The following ESR1 variants were observed in gnomAD, a reference collection of about 807,000 sequenced individuals.
ESR1 encodes the protein estrogen receptor.
A neutral mutation model predicts 52.7 loss-of-function variants in ESR1; 12 were observed. The observed-to-expected ratio is 0.23, with a 90% CI of 0.15 to 0.37. ESR1 has a LOEUF of 0.37. Among genes scored for constraint, ESR1 ranks in the 10% least tolerant of loss-of-function variants. The pLI is 1.00. For missense variants in ESR1, 584 were observed against 779.7 expected (o/e 0.75, Z 2.99); for synonymous variants, 305 against 316.8 (o/e 0.96, Z 0.39).
chr6:151,850,041 T>C (rs369709893), intron 2 of ESR1, among the ~76,000 whole-genome samples: 1 of 50,612 alleles, frequency 2.0e-5, no homozygotes, highest in African/African-American at 9.4e-5. Context: ...TATATATATA[T>C]AATTTTATAT....
intron 2 of ESR1, among the ~76,000 whole-genome samples, chr6:151,853,056 C>A (rs531946664): frequency 2.0e-5 from 3 of 150,440 alleles, no homozygotes; most frequent in Non-Finnish European, 4.4e-5. Context: ...CCTGTAGTCC[C>A]AGCTACTCAG....
At chr6:152,092,218 C>T (rs1446168178) in intron 6 of ESR1, among the ~76,000 whole-genome samples, 1 of 152,214 alleles carries the variant, frequency 6.6e-6, no homozygotes, top group Non-Finnish European at 1.5e-5. Flanking sequence ...CAGCAGTTTC[C>T]TTCTTAATCT....
At chr6:151,741,294 T>G (rs935781704) in intron 2 of ESR1, among the ~76,000 whole-genome samples, 2 of 152,184 alleles carry the variant, frequency 1.3e-5, no homozygotes, top group Admixed American at 1.3e-4. Flanking sequence ...GGCCTCATAT[T>G]TTAAAAATAT....
Position 151,698,021 on chromosome 6 carries a change from C to T in ESR1, c.-201-3854C>T, listed in dbSNP as rs573668964. On this transcript the variant is annotated intron_variant, in intron 1 of 2. Coordinates refer to the ESR1 transcript ENST00000404742. Reference sequence around the variant, plus strand: ...GCTGAGGCAAGAGAATCGCTTGAACCGGGAGGTGGAGGTTGCAGTGAGCCA... The same window carrying T: ...GCTGAGGCAAGAGAATCGCTTGAACTGGGAGGTGGAGGTTGCAGTGAGCCA... Among the ~76,000 whole-genome samples the T allele has an allele frequency of 6.6e-5, 10 of 151,944 alleles. No individual in the cohort carries two copies. The East Asian group carries it at 9.7e-4, about 15-fold the overall frequency.
intron 3 of ESR1, among the ~76,000 whole-genome samples, chr6:151,938,688 ATAAAT>A: frequency 6.6e-6 from 1 of 152,286 alleles, no homozygotes; most frequent in East Asian, 1.9e-4. Context: ...TATTGTTTTA[ATAAAT>A]TCCCATAAGT....
chr6:152,077,851 G>T (rs975718982), intron 6 of ESR1, among the ~76,000 whole-genome samples: 1 of 152,150 alleles, frequency 6.6e-6, no homozygotes, highest in East Asian at 1.9e-4. Flanking sequence ...GAAGTAACTA[G>T]CTTGATTTTG....
intron 4 of ESR1, among the ~76,000 whole-genome samples, chr6:151,992,865 T>G (rs151086039): frequency 3.3e-5 from 5 of 152,218 alleles, no homozygotes; most frequent in African/African-American, 1.2e-4. Flanking sequence ...GACTACCAAG[T>G]TTTTTGTAAA....
Position 152,002,185 on chromosome 6 carries a change from AGTGTGTGT to A in ESR1, c.1097-9441_1097-9434del, listed in dbSNP as rs10578838. Among the ~76,000 whole-genome samples the A allele has an allele frequency of 4.8e-3, 686 of 141,490 alleles. 4 individuals are homozygous for A. The highest frequency in any genetic ancestry group is 0.016 in the African/African-American group (617 of 38,464). The allele number at this position is 141,490 out of a possible 152,430, so 92.8% of individuals were successfully genotyped here. ...AGGTGTTCCTCTAGATTTTAAATCA[AGTGTGTGT>A]GTGTGTGTGTGTGTGTGTGTGTGTG... On this transcript the variant is annotated intron_variant, in intron 4 of 7. Coordinates refer to ENST00000206249, the MANE Select transcript of ESR1 (RefSeq NM_000125.4).
At chr6:151,929,060 T>C (rs2033203237) in intron 3 of ESR1, among the ~76,000 whole-genome samples, 1 of 152,358 alleles carries the variant, frequency 6.6e-6, no homozygotes, top group East Asian at 1.9e-4. Flanking sequence ...CTATAAATAT[T>C]AATTAGACCA....
rs1441179551 is a variant in ESR1, at chr6:151,808,300, T to C, written c.388T>C (p.Tyr130His). The C allele has an allele frequency of 6.4e-7, 1 of 1,574,676 alleles. No individual in the cohort carries two copies. Among genetic ancestry groups the C allele is most frequent in the South Asian group, 1.2e-5 (1 of 85,204 alleles). ...GCAGCCCCACGGCCAGCAGGTGCCC[T>C]ACTACCTGGAGAACGAGCCCAGCGG... ...FLQPHGQQVPYYLENEPSGYT... is the reference protein window; with the variant it reads ...FLQPHGQQVPHYLENEPSGYT... Residue 130 changes from tyrosine (Y) to histidine (H), a missense_variant, in exon 1 of 8, where the codon TAC becomes CAC. By Grantham distance (83) the Tyr-to-His change is moderately conservative (BLOSUM62 2). Around this residue, in one of 6 missense-constraint regions of ESR1, gnomAD observed 251 missense variants for 246.1 expected, o/e 1.02. Transcript: ENST00000206249.
chr6:151,674,741 T>G (rs565558528), intron 1 of ESR1, among the ~76,000 whole-genome samples: 3 of 152,340 alleles, frequency 2.0e-5, no homozygotes, highest in African/African-American at 7.2e-5. Flanking sequence ...TGAGACGGTA[T>G]TTCATTGTGG....
At chr6:152,124,151 C>G (rs2052490499) in intron 6 of ESR1, among the ~76,000 whole-genome samples, 1 of 152,102 alleles carries the variant, frequency 6.6e-6, no homozygotes, top group African/African-American at 2.4e-5. Context: ...GGTAAAAATA[C>G]AAAAATTAGT....
At chr6:151,995,305 C>G (rs180776490) in intron 4 of ESR1, among the ~76,000 whole-genome samples, 2 of 152,288 alleles carry the variant, frequency 1.3e-5, no homozygotes, top group East Asian at 3.9e-4. Context: ...TTCCATCCAT[C>G]TGTCCATCAG....
chr6:151,975,691 T>C (rs1380521471), intron 4 of ESR1, among the ~76,000 whole-genome samples: 1 of 152,214 alleles, frequency 6.6e-6, no homozygotes, highest in Non-Finnish European at 1.5e-5. Context: ...TCTGTTTTAC[T>C]TAAAGTCTAC....
chr6:151,682,268 C>T lies in ESR1; in HGVS notation n.74-19607C>T, dbSNP rs375250215. Among the ~76,000 whole-genome samples, 3 of 152,276 alleles carry T rather than the reference C, an allele frequency of 2.0e-5. No individual in the cohort carries two copies. In the South Asian group the frequency reaches 6.2e-4, roughly 32 times the overall value. On this transcript the variant is annotated intron_variant and non_coding_transcript_variant, in intron 1 of 2. Coordinates refer to the ESR1 transcript ENST00000473497. The stretch of plus-strand genomic sequence containing the variant: ...AAATAAATGGCACCATTGAATTGCA[C>T]GGTAGAGGCTGATGCTATTCCAGGT...
chr6:151,822,562 A>G (rs1780739745), intron 1 of ESR1, among the ~76,000 whole-genome samples: 1 of 152,144 alleles, frequency 6.6e-6, no homozygotes, highest in Admixed American at 6.5e-5. Flanking sequence ...TCTCCTTGGG[A>G]GATGATCATT....
At chr6:152,076,677 G>A (rs1306214801) in intron 6 of ESR1, among the ~76,000 whole-genome samples, 1 of 152,206 alleles carries the variant, frequency 6.6e-6, no homozygotes, top group East Asian at 1.9e-4. Context: ...GGTCTCAGAT[G>A]GGGATGAAGA....
intron 4 of ESR1, among the ~76,000 whole-genome samples, chr6:151,979,237 A>G (rs1444669332): frequency 1.3e-5 from 2 of 152,244 alleles, no homozygotes; most frequent in South Asian, 2.1e-4. Context: ...TAGGGTTTCA[A>G]CGTATAAATT....
chr6:151,880,217 C>A (rs1792619957), intron 2 of ESR1, among the ~76,000 whole-genome samples: 2 of 126,126 alleles, frequency 1.6e-5, no homozygotes, highest in African/African-American at 6.0e-5. Context: ...GATTCTCACT[C>A]TGTTGCCTAG....
Sources: gnomAD v4.1 joint callset for allele counts (sites outside exome capture counted in the v4.1 genomes callset) on GRCh38, gnomAD v4.1.1 for gene constraint, gnomAD v4.1.1 regional missense constraint, MANE v1.5 for transcripts, NCBI Gene and HGNC (gene_info 2026-07-23, HGNC 2026-07-21) for gene names.